The following TXNRD2 variants were observed in gnomAD, a reference collection of about 807,000 sequenced individuals.
TXNRD2 encodes thioredoxin reductase 2, also known as thioredoxin reductase 2, mitochondrial.
Under a neutral mutation model 70.8 loss-of-function variants are expected in TXNRD2, and 67 were observed. The observed-to-expected ratio is 0.95, with a 90% CI of 0.78 to 1.16. TXNRD2 has a LOEUF of 1.16. Ranked by LOEUF, TXNRD2 falls within the 50% of genes most tolerant of loss-of-function variation. The pLI is 0.00. For synonymous variants in TXNRD2, 301 were observed against 295.8 expected, an observed-to-expected ratio of 1.02 and a Z score of -0.18; for missense variants, 644 against 719.9, an observed-to-expected ratio of 0.89 and a Z score of 1.21.
intron 2 of TXNRD2, among the ~76,000 whole-genome samples, chr22:19,927,744 G>C (rs1941207024): frequency 6.6e-6 from 1 of 150,600 alleles, no homozygotes; most frequent in South Asian, 2.1e-4. Flanking sequence ...TATATATACA[G>C]AGGGCTGACT....
chr22:19,902,905 T>C (rs1428949654), intron 8 of TXNRD2: 3 of 517,252 alleles, frequency 5.8e-6, no homozygotes, highest in Non-Finnish European at 1.2e-5. Flanking sequence ...CTCTTGTGCT[T>C]AGGAAGAGAG....
intron 11 of TXNRD2, among the ~76,000 whole-genome samples, chr22:19,888,822 C>T (rs1173081672): frequency 2.0e-5 from 3 of 152,008 alleles, no homozygotes; most frequent in Admixed American, 6.5e-5. Flanking sequence ...CACAGAGGAG[C>T]GTATGCCTTT....
intron 8 of TXNRD2, among the ~76,000 whole-genome samples, chr22:19,900,840 TAAC>T (rs1458932823): frequency 6.6e-6 from 1 of 152,232 alleles, no homozygotes; most frequent in Non-Finnish European, 1.5e-5. Flanking sequence ...TGCAAGGGTG[TAAC>T]TGGGCGAGAG....
In TXNRD2 at chr22:19,915,778, T is replaced by C; in HGVS notation, c.515A>G (p.Lys172Arg). The C allele has an allele frequency of 6.2e-7, 1 of 1,614,202 alleles. No homozygotes were observed. Among genetic ancestry groups the C allele is most frequent in the Non-Finnish European group, 8.5e-7 (1 of 1,180,024 alleles). The change falls in exon 6 of 18, where the codon AAA becomes AGA. Residue 172 changes from lysine to arginine, a missense_variant. By Grantham distance (26) the Lys-to-Arg change is conservative. Around this residue, in one of 3 missense-constraint regions of TXNRD2, gnomAD observed 566 missense variants for 645.0 expected, o/e 0.88. Transcript: ENST00000400521. ...TCAGATGCTCACCTCTTTCCCACCTTTGGCAACGCCGCAAACCGTGTGCTC... is the reference window on the plus strand; with the variant it reads ...TCAGATGCTCACCTCTTTCCCACCTCTGGCAACGCCGCAAACCGTGTGCTC... ...VDEHTVCGVA[K>R]GGKEILLSAD...
intron 6 of TXNRD2, 32 bp downstream of exon 6, chr22:19,915,733 C>A: frequency 1.2e-6 from 2 of 1,610,760 alleles, no homozygotes; most frequent in South Asian, 1.1e-5. Context: ...GAAGGGTCCA[C>A]AAGGAGCCAC....
At chr22:19,936,337 G>A (rs1172652684) in intron 1 of TXNRD2, among the ~76,000 whole-genome samples, 1 of 151,948 alleles carries the variant, frequency 6.6e-6, no homozygotes. Context: ...CCCACCTGAC[G>A]ATACTGAGGA....
intron 1 of TXNRD2, chr22:19,932,482 G>T: frequency 6.3e-7 from 1 of 1,598,298 alleles, no homozygotes; most frequent in South Asian, 1.1e-5. Flanking sequence ...AGCCAAAAAA[G>T]GGAGGGATGG....
chr22:19,917,910 C>T (rs886343651), intron 5 of TXNRD2, among the ~76,000 whole-genome samples: 1 of 152,208 alleles, frequency 6.6e-6, no homozygotes, highest in African/African-American at 2.4e-5. Flanking sequence ...CCAATGTGGC[C>T]TCACTCATTC....
At chr22:19,899,745 A>G (rs747857617) in intron 8 of TXNRD2, among the ~76,000 whole-genome samples, 32 of 152,342 alleles carry the variant, frequency 2.1e-4, no homozygotes, top group Admixed American at 9.1e-4. Context: ...CACATGCCAC[A>G]CACCTGCATG....
At chr22:19,914,081 T>A (rs1940527753) in intron 7 of TXNRD2, among the ~76,000 whole-genome samples, 1 of 152,100 alleles carries the variant, frequency 6.6e-6, no homozygotes, top group Non-Finnish European at 1.5e-5. Flanking sequence ...CAGCTTTCAA[T>A]AAAAAAATTA....
chr22:19,889,283 A>T (rs1939163808), intron 11 of TXNRD2, among the ~76,000 whole-genome samples: 1 of 152,214 alleles, frequency 6.6e-6, no homozygotes, highest in Non-Finnish European at 1.5e-5. Flanking sequence ...CCCAGGAAGG[A>T]GCGTGCTCTG....
At chr22:19,939,875 T>C (rs962253558) in intron 1 of TXNRD2, among the ~76,000 whole-genome samples, 2 of 152,090 alleles carry the variant, frequency 1.3e-5, no homozygotes, top group African/African-American at 4.8e-5. Context: ...AGGAAAACCA[T>C]ATCCTAAAAA....
At chr22:19,899,312 G>A (rs1847452594) in intron 8 of TXNRD2, among the ~76,000 whole-genome samples, 1 of 152,232 alleles carries the variant, frequency 6.6e-6, no homozygotes, top group South Asian at 2.1e-4. Context: ...AGTGGTACCT[G>A]TCCCCTGGAA....
At chr22:19,881,616 A>C (rs763421669) in intron 12 of TXNRD2, among the ~76,000 whole-genome samples, 1 of 152,236 alleles carries the variant, frequency 6.6e-6, no homozygotes, top group African/African-American at 2.4e-5. Context: ...TCCAGTTTCC[A>C]ACACAGGAGC....
intron 11 of TXNRD2, among the ~76,000 whole-genome samples, chr22:19,893,373 T>C (rs1035265445): frequency 6.6e-6 from 1 of 152,204 alleles, no homozygotes; most frequent in Non-Finnish European, 1.5e-5. Flanking sequence ...TTGGGAAAAC[T>C]AGGAGCCTAA....
At chr22:19,888,549 G>A (rs968116961) in intron 11 of TXNRD2, among the ~76,000 whole-genome samples, 3 of 152,256 alleles carry the variant, frequency 2.0e-5, no homozygotes, top group Non-Finnish European at 4.4e-5. Flanking sequence ...CCAGGTGAGA[G>A]GTAAGTGCCA....
At chr22:19,880,078 A>G in intron 14 of TXNRD2, 101 bp downstream of exon 14, 1 of 1,244,984 alleles carries the variant, frequency 8.0e-7, no homozygotes. Flanking sequence ...GCCCCTGGAA[A>G]GGAGAGACCT....
chr22:19,907,050 A>T (rs1221509062), intron 8 of TXNRD2, among the ~76,000 whole-genome samples: 1 of 66,206 alleles, frequency 1.5e-5, no homozygotes, highest in East Asian at 4.2e-4. Context: ...CTCTCAGGAG[A>T]GTGTGGGCGC....
intron 8 of TXNRD2, among the ~76,000 whole-genome samples, chr22:19,906,323 C>T (rs911578183): frequency 1.3e-5 from 2 of 152,108 alleles, no homozygotes; most frequent in Non-Finnish European, 2.9e-5. Context: ...TGTAACTCAG[C>T]AGATAGTCAA....
Sources: allele counts gnomAD v4.1 joint callset (sites outside exome capture counted in the v4.1 genomes callset), GRCh38; gene constraint gnomAD v4.1.1; regional missense constraint gnomAD v4.1.1; transcripts MANE v1.5; gene names NCBI Gene and HGNC (gene_info 2026-07-23, HGNC 2026-07-21).